MBTPS1: variants seen among roughly 807,000 people sequenced by gnomAD.
MBTPS1 encodes membrane bound transcription factor peptidase, site 1.
In MBTPS1, 94 loss-of-function variants were observed where a neutral mutation model predicts 127.8. The ratio of observed to expected loss-of-function variants is 0.74; its 90% CI spans 0.62 to 0.87. The LOEUF (loss-of-function observed/expected upper bound fraction) is 0.87, where lower values mean the gene tolerates loss of function less well. MBTPS1 is among the 40% of genes least tolerant of loss of function. MBTPS1 has a pLI of 0.00. For synonymous variants in MBTPS1, 632 were observed against 509.4 expected, an observed-to-expected ratio of 1.24 and a Z score of -3.24; for missense variants, 1,636 against 1,353.2, an observed-to-expected ratio of 1.21 and a Z score of -3.28.
chr16:84,080,633 A>G (rs907141575), intron 11 of MBTPS1, among the ~76,000 whole-genome samples: 4 of 152,228 alleles, frequency 2.6e-5, no homozygotes, highest in Non-Finnish European at 5.9e-5. Flanking sequence ...GACTAAGCAC[A>G]CAGGAGGCAC....
intron 17 of MBTPS1, 42 bp downstream of exon 17, chr16:84,066,447 C>T (rs376422766): frequency 1.9e-6 from 3 of 1,601,948 alleles, no homozygotes; most frequent in African/African-American, 2.7e-5. Flanking sequence ...AGAGCTTCTG[C>T]TCTCACACCT....
At chr16:84,076,240 C>T (rs1375725841) in intron 11 of MBTPS1, among the ~76,000 whole-genome samples, 19 of 151,860 alleles carry the variant, frequency 1.3e-4, no homozygotes, top group Admixed American at 1.1e-3. Context: ...CTCATGAAAA[C>T]GCTCAGAAAA....
rs775970328 is a variant in MBTPS1, at chr16:84,090,827, T to C, written c.1031+48A>G. ...CAAACAGATAACAATTTTTCAGTTA[T>C]TTAAGGGGGAAAAAATCCCCGAGGT... On this transcript the variant is annotated intron_variant, in intron 8 of 22. Transcript: ENST00000343411. 7 of 1,370,974 alleles carry C rather than the reference T, an allele frequency of 5.1e-6. No individual in the cohort carries two copies. The East Asian group carries it at 9.2e-5, about 18-fold the overall frequency. The allele number at this position is 1,370,974 out of a possible 1,614,324, so 84.9% of individuals were successfully genotyped here.
At chr16:84,095,832 A>G (rs1008320260) in intron 3 of MBTPS1, 27 bp from the exon 4 acceptor site, 1 of 1,596,896 alleles carries the variant, frequency 6.3e-7, no homozygotes, top group African/African-American at 1.3e-5. Flanking sequence ...GAAAGATCAG[A>G]ACAGAAGAGC....
intron 11 of MBTPS1, among the ~76,000 whole-genome samples, chr16:84,078,080 T>TG (rs746934729): frequency 6.6e-6 from 1 of 152,182 alleles, no homozygotes; most frequent in African/African-American, 2.4e-5. Flanking sequence ...AGTGAGGCTT[T>TG]GGGGAAACCG....
intron 14 of MBTPS1, 31 bp downstream of exon 14, chr16:84,069,835 G>A (rs1346541250): frequency 5.7e-6 from 9 of 1,592,084 alleles, no homozygotes; most frequent in East Asian, 2.2e-5. Context: ...CGGAGGCTGG[G>A]GAGGTGAAGT....
chr16:84,094,585 GC>G (rs2086153716), intron 4 of MBTPS1, among the ~76,000 whole-genome samples: 1 of 152,124 alleles, frequency 6.6e-6, no homozygotes, highest in Non-Finnish European at 1.5e-5. Flanking sequence ...TGTCTTTCTG[GC>G]AAAAGGGCTG....
intron 1 of MBTPS1, among the ~76,000 whole-genome samples, chr16:84,106,912 T>C (rs2086331752): frequency 1.3e-5 from 2 of 152,008 alleles, no homozygotes; most frequent in Non-Finnish European, 2.9e-5. Context: ...CAAGTGAGGA[T>C]TCAAGGCAAC....
intron 10 of MBTPS1, among the ~76,000 whole-genome samples, chr16:84,084,253 C>T (rs1484219704): frequency 6.6e-5 from 10 of 152,200 alleles, no homozygotes; most frequent in African/African-American, 1.4e-4. Flanking sequence ...CCACCGCACC[C>T]GGCCTCCTTG....
At chr16:84,101,508 A>G in intron 2 of MBTPS1, 113 bp downstream of exon 2, 1 of 1,012,150 alleles carries the variant, frequency 9.9e-7, no homozygotes, top group South Asian at 1.9e-5. Context: ...AAAAAAAGAA[A>G]GAAATTTACT....
intron 1 of MBTPS1, among the ~76,000 whole-genome samples, chr16:84,113,914 G>A (rs1405740483): frequency 2.0e-5 from 3 of 149,244 alleles, no homozygotes; most frequent in East Asian, 2.0e-4. Flanking sequence ...TAACAATTAA[G>A]TCATGCCAGA....
At chr16:84,063,115 A>G (rs2085637555) in intron 19 of MBTPS1, among the ~76,000 whole-genome samples, 190 bp downstream of exon 19, 1 of 152,262 alleles carries the variant, frequency 6.6e-6, no homozygotes, top group Non-Finnish European at 1.5e-5. Flanking sequence ...TGCTTATTAA[A>G]TGTGTGCACA....
In MBTPS1 at chr16:84,060,978, C is replaced by T. The variant is rs947371434; in HGVS notation, c.2573-165G>A. 3 of 569,818 alleles carry T rather than the reference C, an allele frequency of 5.3e-6. No homozygotes were observed. In the South Asian group the frequency reaches 7.1e-5, roughly 14 times the overall value. 35.3% of individuals were successfully genotyped at this position (569,818 alleles called of 1,614,324 possible). Reference sequence around the variant, plus strand: ...CCTCCCAAGTAGCTGAGACTGAAGGCACATGACAGCATGCCCGGCTAATTT... The same window carrying T: ...CCTCCCAAGTAGCTGAGACTGAAGGTACATGACAGCATGCCCGGCTAATTT... On this transcript the variant is annotated intron_variant, in intron 19 of 22. Coordinates refer to ENST00000343411, the MANE Select transcript of MBTPS1 (RefSeq NM_003791.4).
chr16:84,058,629 T>C (rs1420795219), intron 21 of MBTPS1, among the ~76,000 whole-genome samples: 2 of 152,048 alleles, frequency 1.3e-5, no homozygotes, highest in Non-Finnish European at 2.9e-5. Flanking sequence ...GGGTGGCATC[T>C]GGAGAAAAAG....
intron 1 of MBTPS1, among the ~76,000 whole-genome samples, chr16:84,107,761 G>A (rs1264357764): frequency 6.6e-6 from 1 of 150,776 alleles, no homozygotes; most frequent in Non-Finnish European, 1.5e-5. Flanking sequence ...GTGGAGGACA[G>A]TGGCACAATC....
chr16:84,070,695 A>C lies in MBTPS1; in HGVS notation c.1675T>G (p.Ser559Ala). ...GAAATGGAGATGGCCAGGTAGCCCGACCAAGGCCATAAGACCGAGGAGTAG... is the reference window on the plus strand; with the variant it reads ...GAAATGGAGATGGCCAGGTAGCCCGCCCAAGGCCATAAGACCGAGGAGTAG... ...FSYSSVLWPW[S>A]GYLAISISVT... Residue 559 changes from serine to alanine, a missense_variant, in exon 13 of 23, where the codon TCG (serine) becomes GCG (alanine). Coordinates refer to ENST00000343411, the MANE Select transcript of MBTPS1 (RefSeq NM_003791.4). The C allele has an allele frequency of 5.0e-6, 8 of 1,614,076 alleles. No homozygotes were observed. The highest frequency in any genetic ancestry group is 6.8e-6 in the Non-Finnish European group (8 of 1,179,964).
chr16:84,113,954 CCTTT>C (rs1223832569), intron 1 of MBTPS1, among the ~76,000 whole-genome samples: 1 of 149,356 alleles, frequency 6.7e-6, no homozygotes, highest in African/African-American at 2.5e-5. Flanking sequence ...AGGTGTCTTC[CCTTT>C]TTTTTTTTTT....
At chr16:84,064,746 T>A (rs2085657133) in intron 18 of MBTPS1, among the ~76,000 whole-genome samples, 1 of 152,252 alleles carries the variant, frequency 6.6e-6, no homozygotes, top group African/African-American at 2.4e-5. Context: ...ACAATCATTA[T>A]GTGCCTAAAG....
At chr16:84,066,152 G>C (rs186443589) in intron 17 of MBTPS1, among the ~76,000 whole-genome samples, 3 of 152,240 alleles carry the variant, frequency 2.0e-5, no homozygotes, top group African/African-American at 7.2e-5. Context: ...TTACCTGTGG[G>C]GGAACTTCCT....
Sources: gnomAD v4.1 joint callset for allele counts (sites outside exome capture counted in the v4.1 genomes callset) on GRCh38, gnomAD v4.1.1 for gene constraint, MANE v1.5 for transcripts, NCBI Gene and HGNC (gene_info 2026-07-23, HGNC 2026-07-21) for gene names.